Variants in FOXJ3 observed in about 807,000 individuals in gnomAD.
FOXJ3 encodes forkhead box protein J3.
A neutral mutation model predicts 76.1 loss-of-function variants in FOXJ3; 22 were observed. That is an observed-to-expected ratio of 0.29 (90% CI 0.21 to 0.41). The LOEUF (loss-of-function observed/expected upper bound fraction) is 0.41. Ranked by LOEUF, FOXJ3 falls within the 10% of genes least tolerant of loss-of-function variation. The pLI, the probability that FOXJ3 is intolerant of heterozygous loss-of-function variation, is 1.00. For missense variants in FOXJ3, 613 were observed against 762.1 expected (o/e 0.80, Z 2.30); for synonymous variants, 269 against 261.2 (o/e 1.03, Z -0.29).
At chr1:42,291,724 G>A (rs1482400156) in intron 2 of FOXJ3, among the ~76,000 whole-genome samples, 1 of 152,056 alleles carries the variant, frequency 6.6e-6, no homozygotes, top group Non-Finnish European at 1.5e-5. Context: ...AGGCTGCAGT[G>A]AGCTATGATC....
intron 4 of FOXJ3, chr1:42,264,845 G>A (rs1366099087): frequency 2.8e-6 from 1 of 358,914 alleles, no homozygotes; most frequent in Non-Finnish European, 5.0e-6. Flanking sequence ...TTCCTGACAA[G>A]CAGCTCAATC....
rs1646259309 is a variant in FOXJ3 at position 42,178,661 on chromosome 1, T to G, written c.*1049A>C. 6.6e-6 allele frequency: 1 copy of G among 152,312 alleles called. No individual in the cohort carries two copies. The highest frequency in any genetic ancestry group is 2.4e-5 in the African/African-American group (1 of 41,438). The allele number at this position is 152,312 out of a possible 1,614,324, so 9.4% of individuals were successfully genotyped here. A position where few individuals can be genotyped will look rare whatever the true frequency, so the allele number is the denominator to read the frequency against. ...TCAGCCAGGCATGGCGGTGTGCACC[T>G]GCACTCCCAGCTACTCGGGAGGCTG... On this transcript the variant is annotated 3_prime_UTR_variant, in exon 13 of 13. Coordinates refer to ENST00000361346, the MANE Select transcript of FOXJ3 (RefSeq NM_014947.5).
chr1:42,273,498 A>G (rs1652016920), intron 3 of FOXJ3, among the ~76,000 whole-genome samples: 1 of 151,854 alleles, frequency 6.6e-6, no homozygotes, highest in Non-Finnish European at 1.5e-5. Flanking sequence ...ACATGGTGAA[A>G]CCCCATCTCT....
intron 4 of FOXJ3, among the ~76,000 whole-genome samples, chr1:42,241,639 G>A (rs1425764120): frequency 2.6e-5 from 4 of 152,144 alleles, no homozygotes; most frequent in African/African-American, 9.7e-5. Context: ...CTGGGGAATG[G>A]CCCTCCCACA....
At chr1:42,207,949 A>C (rs897793664) in intron 5 of FOXJ3, among the ~76,000 whole-genome samples, 7 of 152,198 alleles carry the variant, frequency 4.6e-5, no homozygotes, top group African/African-American at 1.7e-4. Context: ...TTACTTTAGA[A>C]AGGTACAAAT....
At position 42,191,287 on chromosome 1, in the gene FOXJ3, G is replaced by A; in HGVS notation, c.1351+16C>T. 1 of 1,525,194 alleles carries A rather than the reference G, an allele frequency of 6.6e-7. No homozygotes were observed. The highest frequency in any genetic ancestry group is 8.8e-7 in the Non-Finnish European group (1 of 1,133,442). 94.5% of individuals were successfully genotyped at this position (1,525,194 alleles called of 1,614,324 possible). ...TTCACAGTTAGCCAAACACAAACCA[G>A]GAGACAAAAACTTACCAGAATTACA... On this transcript the variant is annotated intron_variant, in intron 9 of 12. Transcript: ENST00000361346.
chr1:42,303,171 T>C (rs776017505), intron 2 of FOXJ3, among the ~76,000 whole-genome samples: 96 of 152,314 alleles, frequency 6.3e-4, no homozygotes, highest in Non-Finnish European at 5.4e-4. Context: ...TAGAGTTAAA[T>C]GGTTAAAGCA....
At chr1:42,220,565 C>T (rs1379942219) in intron 5 of FOXJ3, among the ~76,000 whole-genome samples, 1 of 152,078 alleles carries the variant, frequency 6.6e-6, no homozygotes, top group East Asian at 1.9e-4. Flanking sequence ...GGGAAGCATG[C>T]TTTGGCTTCA....
chr1:42,237,036 A>G (rs9662864), intron 4 of FOXJ3, among the ~76,000 whole-genome samples: 4,882 of 152,078 alleles, frequency 0.032, 268 homozygotes, highest in African/African-American at 0.11. Context: ...ACTTTTTAGT[A>G]TTCCAAATAT....
chr1:42,248,211 A>T (rs2124552590), intron 4 of FOXJ3, among the ~76,000 whole-genome samples: 1 of 152,322 alleles, frequency 6.6e-6, no homozygotes, highest in South Asian at 2.1e-4. Flanking sequence ...CTTTGCAATT[A>T]TAATAAAACT....
intron 8 of FOXJ3, among the ~76,000 whole-genome samples, chr1:42,192,345 A>G (rs1646564818): frequency 6.6e-6 from 1 of 152,216 alleles, no homozygotes; most frequent in Admixed American, 6.5e-5. Flanking sequence ...GTTAAGGTAC[A>G]AGGACATAGA....
chr1:42,267,451 C>T (rs1157391704), intron 3 of FOXJ3, among the ~76,000 whole-genome samples: 3 of 152,120 alleles, frequency 2.0e-5, no homozygotes, highest in Admixed American at 1.3e-4. Flanking sequence ...TACTGACAGA[C>T]AGACTCAATC....
At chr1:42,324,031 A>G (rs1489907360) in intron 1 of FOXJ3, among the ~76,000 whole-genome samples, 1 of 147,290 alleles carries the variant, frequency 6.8e-6, no homozygotes, top group African/African-American at 2.5e-5. Context: ...TAGTATATAT[A>G]TACACACTAT....
At chr1:42,242,355 C>T (rs535246865) in intron 4 of FOXJ3, among the ~76,000 whole-genome samples, 2 of 151,664 alleles carry the variant, frequency 1.3e-5, no homozygotes, top group Non-Finnish European at 2.9e-5. Flanking sequence ...ATAAACAGTA[C>T]AAAGAAACCA....
At chr1:42,257,061 G>A (rs1650650805) in intron 4 of FOXJ3, among the ~76,000 whole-genome samples, 1 of 152,186 alleles carries the variant, frequency 6.6e-6, no homozygotes, top group Admixed American at 6.5e-5. Context: ...CTTGACCACA[G>A]GCTTATTTTG....
chr1:42,195,657 A>G (rs1289082149), intron 7 of FOXJ3, among the ~76,000 whole-genome samples: 2 of 152,262 alleles, frequency 1.3e-5, no homozygotes, highest in African/African-American at 4.8e-5. Context: ...AAGACTACGT[A>G]CTACATGAAA....
chr1:42,252,926 C>A (rs1304665198), intron 4 of FOXJ3, among the ~76,000 whole-genome samples: 2 of 150,214 alleles, frequency 1.3e-5, no homozygotes, highest in African/African-American at 4.9e-5. Flanking sequence ...CCTCTCTCAC[C>A]ACTCCTATTC....
At chr1:42,261,352 C>A (rs1651021422) in intron 4 of FOXJ3, among the ~76,000 whole-genome samples, 1 of 151,270 alleles carries the variant, frequency 6.6e-6, no homozygotes, top group South Asian at 2.1e-4. Flanking sequence ...AATCTGTCCC[C>A]AAAAAAGCAG....
At chr1:42,287,792 C>G (rs1255597300) in intron 2 of FOXJ3, among the ~76,000 whole-genome samples, 1 of 152,044 alleles carries the variant, frequency 6.6e-6, no homozygotes, top group African/African-American at 2.4e-5. Context: ...GAAACCCCGT[C>G]TTTACAAAAA....
Sources: gnomAD v4.1 joint callset for allele counts (sites outside exome capture counted in the v4.1 genomes callset) on GRCh38, gnomAD v4.1.1 for gene constraint, MANE v1.5 for transcripts, NCBI Gene and HGNC (gene_info 2026-07-23, HGNC 2026-07-21) for gene names.